CEP112: variants seen among roughly 807,000 people sequenced by gnomAD.
The protein encoded by CEP112 is centrosomal protein of 112 kDa.
A neutral mutation model predicts 153.0 loss-of-function variants in CEP112; 127 were observed. The observed-to-expected ratio is 0.83, with a 90% CI of 0.72 to 0.96. CEP112 has a LOEUF of 0.96. Ranked by LOEUF, CEP112 falls within the 40% of genes least tolerant of loss-of-function variation. The pLI is 0.00. For missense variants in CEP112, 1,089 were observed against 1,101.2 expected (o/e 0.99, Z 0.16); for synonymous variants, 358 against 374.4 (o/e 0.96, Z 0.51).
chr17:65,724,522 C>G (rs769791640), intron 23 of CEP112, among the ~76,000 whole-genome samples: 1 of 152,174 alleles, frequency 6.6e-6, no homozygotes, highest in African/African-American at 2.4e-5. Context: ...GATAATACAA[C>G]TGTTTATTCA....
chr17:65,715,866 T>C lies in CEP112; in HGVS notation c.2608-26648A>G, dbSNP rs990212227. Among the ~76,000 whole-genome samples the C allele has an allele frequency of 3.9e-5, 6 of 152,234 alleles. 1 individual carries two copies. Among genetic ancestry groups the C allele is most frequent in the Admixed American group, 3.9e-4 (6 of 15,294 alleles). On this transcript the variant is annotated intron_variant, in intron 23 of 26. Transcript: ENST00000535342. ...GAGTTAGGGGGATTTGTGATGAACA[T>C]TATCCTTACAATCATCACCCACATA...
chr17:66,154,972 C>T (rs2071376873), intron 4 of CEP112, among the ~76,000 whole-genome samples: 1 of 152,100 alleles, frequency 6.6e-6, no homozygotes, highest in Admixed American at 6.6e-5. Flanking sequence ...TAGTTAGGCC[C>T]ACTTCTCTTT....
At chr17:65,667,882 G>C (rs1376454071) in intron 24 of CEP112, among the ~76,000 whole-genome samples, 1 of 146,244 alleles carries the variant, frequency 6.8e-6, no homozygotes, top group Non-Finnish European at 1.5e-5. Context: ...CGACGACTGC[G>C]CCACTCCCTT....
At chr17:65,727,661 A>C (rs915690001) in intron 23 of CEP112, among the ~76,000 whole-genome samples, 3 of 152,236 alleles carry the variant, frequency 2.0e-5, no homozygotes, top group Non-Finnish European at 2.9e-5. Context: ...ACTGGAAAGA[A>C]GGGCCAATTT....
At chr17:65,935,383 G>T (rs555290220) in intron 18 of CEP112, among the ~76,000 whole-genome samples, 5 of 152,026 alleles carry the variant, frequency 3.3e-5, no homozygotes, top group Non-Finnish European at 7.4e-5. Flanking sequence ...ACATCAATAA[G>T]GAAACATCAG....
chr17:65,741,605 G>T (rs897753005), intron 23 of CEP112, among the ~76,000 whole-genome samples: 1 of 151,510 alleles, frequency 6.6e-6, no homozygotes, highest in South Asian at 2.1e-4. Flanking sequence ...ATTCTTTCAA[G>T]ATTTTTTTAA....
At chr17:65,764,902 TTTTC>T (rs1458631691) in intron 21 of CEP112, among the ~76,000 whole-genome samples, 1 of 142,664 alleles carries the variant, frequency 7.0e-6, no homozygotes, top group African/African-American at 2.7e-5. Context: ...GTTTATTCTT[TTTTC>T]TTTATTTTTT....
chr17:65,830,834 A>G (rs775089636), intron 21 of CEP112, among the ~76,000 whole-genome samples: 4 of 152,238 alleles, frequency 2.6e-5, no homozygotes, highest in Non-Finnish European at 5.9e-5. Flanking sequence ...TTAACTTCCA[A>G]TTCTCACTAT....
chr17:65,729,785 T>C (rs2050393466), intron 23 of CEP112, among the ~76,000 whole-genome samples: 1 of 152,164 alleles, frequency 6.6e-6, no homozygotes. Context: ...GACGCACATC[T>C]GTAATCCCAG....
At chr17:65,664,877 G>A (rs189983793) in intron 24 of CEP112, among the ~76,000 whole-genome samples, 43 of 152,340 alleles carry the variant, frequency 2.8e-4, no homozygotes, top group Non-Finnish European at 4.7e-4. Flanking sequence ...TCTAGAGGCT[G>A]GGAAATCCAA....
At chr17:65,905,294 A>ATGAACAG (rs1470175428) in intron 19 of CEP112, among the ~76,000 whole-genome samples, 1 of 152,254 alleles carries the variant, frequency 6.6e-6, no homozygotes, top group Non-Finnish European at 1.5e-5. Flanking sequence ...GATGAAGGAT[A>ATGAACAG]TGAACAGACA....
chr17:65,882,619 T>C (rs1037260335), intron 20 of CEP112, among the ~76,000 whole-genome samples: 1 of 152,224 alleles, frequency 6.6e-6, no homozygotes, highest in African/African-American at 2.4e-5. Context: ...CCAGGTGCTC[T>C]AGTAGGTTAT....
intron 20 of CEP112, among the ~76,000 whole-genome samples, chr17:65,882,136 A>G (rs2059101351): frequency 6.6e-6 from 1 of 152,256 alleles, no homozygotes; most frequent in African/African-American, 2.4e-5. Context: ...AGTCCACAAG[A>G]GCAGTGCCCA....
At chr17:66,060,597 A>T (rs1332663687) in intron 11 of CEP112, among the ~76,000 whole-genome samples, 1 of 152,186 alleles carries the variant, frequency 6.6e-6, no homozygotes, top group Non-Finnish European at 1.5e-5. Flanking sequence ...CAGAAAAAAA[A>T]TCCACACATT....
chr17:65,682,380 CTT>C (rs138886132), intron 24 of CEP112, among the ~76,000 whole-genome samples: 11,504 of 152,224 alleles, frequency 0.076, 681 homozygotes, highest in Admixed American at 0.18. Flanking sequence ...CCGTATTTCT[CTT>C]GTGACCAGTG....
chr17:65,684,622 C>T (rs1487598030), intron 24 of CEP112, among the ~76,000 whole-genome samples: 3 of 152,106 alleles, frequency 2.0e-5, no homozygotes, highest in Non-Finnish European at 4.4e-5. Context: ...TTGTTTGCTC[C>T]CCATTGTGAA....
At chr17:65,968,077 C>T (rs1420198829) in intron 17 of CEP112, among the ~76,000 whole-genome samples, 1 of 152,016 alleles carries the variant, frequency 6.6e-6, no homozygotes, top group Non-Finnish European at 1.5e-5. Flanking sequence ...TATTTCATTA[C>T]AGATGTAGTA....
intron 4 of CEP112, among the ~76,000 whole-genome samples, chr17:66,172,242 C>T (rs976960305): frequency 3.3e-5 from 5 of 152,172 alleles, no homozygotes; most frequent in African/African-American, 9.7e-5. Flanking sequence ...CAAGTTCCTA[C>T]CTCATGAAAT....
chr17:65,984,840 T>C (rs756714513), intron 17 of CEP112, among the ~76,000 whole-genome samples: 6 of 152,060 alleles, frequency 3.9e-5, no homozygotes, highest in Non-Finnish European at 8.8e-5. Context: ...TCTCATGAAA[T>C]AATCTAGAGT....
Sources: gnomAD v4.1 joint callset for allele counts (sites outside exome capture counted in the v4.1 genomes callset) on GRCh38, gnomAD v4.1.1 for gene constraint, MANE v1.5 for transcripts, NCBI Gene and HGNC (gene_info 2026-07-23, HGNC 2026-07-21) for gene names.